Variants in HMGCLL1 observed in about 807,000 individuals in gnomAD.
HMGCLL1 encodes the protein 3-hydroxy-3-methylglutaryl-CoA lyase like 1.
In HMGCLL1, 36 loss-of-function variants were observed where a neutral mutation model predicts 39.1. That is an observed-to-expected ratio of 0.92 (90% CI 0.71 to 1.22). The LOEUF (loss-of-function observed/expected upper bound fraction) is 1.22, where lower values mean the gene tolerates loss of function less well. HMGCLL1 is among the 50% of genes most tolerant of loss of function. The pLI is 0.00. For missense variants in HMGCLL1, 451 were observed against 416.5 expected (o/e 1.08, Z -0.72); for synonymous variants, 149 against 144.0 (o/e 1.03, Z -0.25).
At chr6:55,673,310 C>A in the HMGCLL1 span, among the ~76,000 whole-genome samples, 31 of 151,988 alleles carry the variant, frequency 2.0e-4, no homozygotes, top group Non-Finnish European at 4.0e-4. Context: ...TGTAAAAAGC[C>A]ATGTGCACTT....
chr6:55,579,041 T>A lies in HMGCLL1; in HGVS notation c.15A>T (p.Pro5=). 3 of 1,611,946 alleles carry A rather than the reference T, an allele frequency of 1.9e-6. No homozygotes were observed. The change falls in exon 1 of 9, where the codon CCA becomes CCT. Residue 5 remains proline, a synonymous_variant. Transcript: ENST00000274901. The stretch of plus-strand genomic sequence containing the variant: ...AGCTGAGGCAGTGCTTCACCGCGGA[T>A]GGCACATTCCCCATGGCGGAGCCTG... MGNV[P]SAVKHCLSYQ...
At chr6:55,611,955 G>C in the HMGCLL1 span, among the ~76,000 whole-genome samples, 1 of 152,024 alleles carries the variant, frequency 6.6e-6, no homozygotes, top group Admixed American at 6.5e-5. Context: ...TCCTGGCCAG[G>C]GCAATCAGGC....
At chr6:55,582,123 A>G (rs990091840), upstream of HMGCLL1, among the ~76,000 whole-genome samples, 1 of 152,126 alleles carries the variant, frequency 6.6e-6, no homozygotes, top group Non-Finnish European at 1.5e-5. Flanking sequence ...GAAGGGCCTA[A>G]GAGTTGGTTC....
chr6:55,633,586 C>T, the HMGCLL1 span, among the ~76,000 whole-genome samples: 6 of 151,794 alleles, frequency 4.0e-5, no homozygotes, highest in South Asian at 2.1e-4. Context: ...AACAAATAAA[C>T]GTTAATGTTA....
upstream of HMGCLL1, among the ~76,000 whole-genome samples, chr6:55,581,903 T>C (rs1040480171): frequency 2.0e-5 from 3 of 152,132 alleles, no homozygotes; most frequent in Admixed American, 6.5e-5. Flanking sequence ...AGTGACTTTA[T>C]TAATGATTTT....
intron 7 of HMGCLL1, among the ~76,000 whole-genome samples, chr6:55,491,738 G>A (rs1221549354): frequency 2.6e-5 from 4 of 151,994 alleles, no homozygotes; most frequent in East Asian, 1.9e-4. Context: ...GGCCACATCC[G>A]TTTCTTCCGT....
At chr6:55,611,025 G>T in the HMGCLL1 span, among the ~76,000 whole-genome samples, 9 of 152,222 alleles carry the variant, frequency 5.9e-5, no homozygotes, top group East Asian at 1.7e-3. Context: ...ACACTCCTCA[G>T]CAAGTGCCAA....
At chr6:55,594,608 T>C in the HMGCLL1 span, among the ~76,000 whole-genome samples, 5 of 152,192 alleles carry the variant, frequency 3.3e-5, no homozygotes, top group African/African-American at 1.2e-4. Flanking sequence ...ACATATCTAC[T>C]ATTCCCCTTT....
At chr6:55,460,376 T>C (rs1486524340) in intron 7 of HMGCLL1, among the ~76,000 whole-genome samples, 1 of 152,004 alleles carries the variant, frequency 6.6e-6, no homozygotes, top group Non-Finnish European at 1.5e-5. Context: ...ATACAACCAA[T>C]TTATTTCACA....
At chr6:55,588,653 C>T in the HMGCLL1 span, among the ~76,000 whole-genome samples, 77,195 of 151,560 alleles carry the variant, frequency 0.51, 19,964 homozygotes, top group South Asian at 0.61. Flanking sequence ...ATTGATAGAC[C>T]GCTAGCAAGA....
At chr6:55,627,439 A>G in the HMGCLL1 span, among the ~76,000 whole-genome samples, 1 of 151,954 alleles carries the variant, frequency 6.6e-6, no homozygotes, top group Non-Finnish European at 1.5e-5. Context: ...TATTGTCTTC[A>G]TTTTAAGATT....
At chr6:55,667,703 C>T in the HMGCLL1 span, among the ~76,000 whole-genome samples, 6 of 151,730 alleles carry the variant, frequency 4.0e-5, no homozygotes, top group African/African-American at 1.5e-4. Flanking sequence ...CTGGAGAGAA[C>T]ATTATCTATA....
the HMGCLL1 span, among the ~76,000 whole-genome samples, chr6:55,635,059 C>A: frequency 6.6e-6 from 1 of 151,814 alleles, no homozygotes; most frequent in East Asian, 1.9e-4. Flanking sequence ...GTGACTTAGA[C>A]AAAACACTTA....
chr6:55,632,365 A>G, the HMGCLL1 span, among the ~76,000 whole-genome samples: 1 of 151,268 alleles, frequency 6.6e-6, no homozygotes, highest in Non-Finnish European at 1.5e-5. Flanking sequence ...TGCTTTGGTC[A>G]TGGCATCTAA....
chr6:55,542,219 C>A (rs561106501), intron 1 of HMGCLL1, 79 bp from the exon 2 acceptor site: 10 of 860,726 alleles, frequency 1.2e-5, no homozygotes, highest in Middle Eastern at 2.4e-4. Flanking sequence ...TAAACAACTG[C>A]ACTTTGTTAT....
At chr6:55,520,261 TAAATAA>T (rs942323598) in intron 3 of HMGCLL1, among the ~76,000 whole-genome samples, 1 of 145,926 alleles carries the variant, frequency 6.9e-6, no homozygotes, top group African/African-American at 2.5e-5. Context: ...AATAAATAAA[TAAATAA>T]ATAAATAAAT....
the HMGCLL1 span, among the ~76,000 whole-genome samples, chr6:55,659,282 G>A: frequency 2.6e-5 from 4 of 151,930 alleles, no homozygotes; most frequent in South Asian, 6.2e-4. Flanking sequence ...AATAATTTTT[G>A]TTGGATGAAT....
the HMGCLL1 span, among the ~76,000 whole-genome samples, chr6:55,632,060 T>G: frequency 1.3e-5 from 2 of 152,262 alleles, no homozygotes; most frequent in South Asian, 4.1e-4. Context: ...TTTAAAATTT[T>G]TAAGTGAAGT....
chr6:55,550,951 A>C (rs1581937279), intron 1 of HMGCLL1, among the ~76,000 whole-genome samples: 1 of 151,336 alleles, frequency 6.6e-6, no homozygotes, highest in East Asian at 1.9e-4. Flanking sequence ...AAATTAATGA[A>C]GGCTATAGCT....
Sources: allele counts gnomAD v4.1 joint callset (sites outside exome capture counted in the v4.1 genomes callset), GRCh38; gene constraint gnomAD v4.1.1; transcripts MANE v1.5; gene names NCBI Gene and HGNC (gene_info 2026-07-23, HGNC 2026-07-21).